Variants in TENM4 observed in about 807,000 individuals in gnomAD.
TENM4 encodes teneurin-4.
In TENM4, 82 loss-of-function variants were observed where a neutral mutation model predicts 243.3. The ratio of observed to expected loss-of-function variants is 0.34; its 90% confidence interval spans 0.28 to 0.40. TENM4 has a LOEUF of 0.40. TENM4 is among the 10% of genes least tolerant of loss of function. The pLI, the probability that TENM4 is intolerant of heterozygous loss-of-function variation, is 1.00. For missense variants in TENM4, 3,138 were observed against 3,673.3 expected (o/e 0.85, Z 3.77); for synonymous variants, 1,412 against 1,456.3 (o/e 0.97, Z 0.69).
chr11:78,955,822 T>C (rs1172876579), intron 6 of TENM4, among the ~76,000 whole-genome samples: 1 of 152,174 alleles, frequency 6.6e-6, no homozygotes, highest in Non-Finnish European at 1.5e-5. Context: ...AAAAAGGGCT[T>C]TGTCAACAGT....
At chr11:78,798,231 T>C (rs1857200725) in intron 15 of TENM4, among the ~76,000 whole-genome samples, 1 of 152,274 alleles carries the variant, frequency 6.6e-6, no homozygotes, top group Non-Finnish European at 1.5e-5. Context: ...AGAGCTTTAA[T>C]TATTTTAACC....
In TENM4 at chr11:78,862,973, C is replaced by A; in HGVS notation, c.1244G>T (p.Gly415Val). 6.8e-7 allele frequency: 1 copy of A among 1,468,448 alleles called. No homozygotes were observed. The highest frequency in any genetic ancestry group is 2.6e-5 in the East Asian group (1 of 38,730). 91.0% of individuals were successfully genotyped at this position (1,468,448 alleles called of 1,614,324 possible). A position where few individuals can be genotyped will look rare whatever the true frequency, so the allele number is the denominator to read the frequency against. ...GLETPDRKGK[G>V]TTEGKPSSFF... ...CGCAGCAACCCTACCTTCTGTGGTT[C>A]CTTTGCCTTTCCTGTCAGGGGTCTC... The change falls in exon 10 of 34, where the codon GGA becomes GTA. Residue 415 changes from glycine (G) to valine (V), a missense_variant. This residue lies in a region of TENM4 where 671 missense variants were observed against 614.1 expected (regional missense o/e 1.09). Transcript: ENST00000278550.
intron 1 of TENM4, among the ~76,000 whole-genome samples, chr11:79,397,346 T>G (rs530835007): frequency 6.6e-6 from 1 of 152,298 alleles, no homozygotes; most frequent in East Asian, 1.9e-4. Context: ...CCCAGGGGAC[T>G]GAGTAACTGG....
chr11:79,206,433 C>G (rs1320562012), intron 3 of TENM4, among the ~76,000 whole-genome samples: 1 of 152,128 alleles, frequency 6.6e-6, no homozygotes, highest in East Asian at 1.9e-4. Flanking sequence ...TGAGGCCCTC[C>G]CTGATTCTCT....
chr11:79,374,920 C>T (rs545169758), intron 1 of TENM4, among the ~76,000 whole-genome samples: 25 of 152,292 alleles, frequency 1.6e-4, no homozygotes, highest in African/African-American at 4.6e-4. Flanking sequence ...GCTGCAACGA[C>T]GGGCAAGCCT....
chr11:78,862,879 A>G (rs2136222982), intron 10 of TENM4, 83 bp downstream of exon 10: 1 of 1,272,872 alleles, frequency 7.9e-7, no homozygotes, highest in Non-Finnish European at 1.0e-6. Flanking sequence ...AGCCAGGCAC[A>G]TGATGCACGC....
chr11:78,729,056 T>C (rs1425364154), intron 22 of TENM4, among the ~76,000 whole-genome samples: 5 of 152,122 alleles, frequency 3.3e-5, no homozygotes, highest in Non-Finnish European at 4.4e-5. Context: ...TCCCACAGGA[T>C]GGCTGTGGGG....
At chr11:79,050,256 T>C (rs3943756) in intron 6 of TENM4, among the ~76,000 whole-genome samples, 94,071 of 152,192 alleles carry the variant, frequency 0.62, 34,114 homozygotes, top group Non-Finnish European at 0.83. Flanking sequence ...GGGAAAAAAG[T>C]GACACGATCT....
chr11:79,154,654 G>A (rs770530114), intron 3 of TENM4, among the ~76,000 whole-genome samples: 3 of 152,088 alleles, frequency 2.0e-5, no homozygotes, highest in Admixed American at 6.6e-5. Flanking sequence ...CCCAAGGCTG[G>A]GAGTCCCCTC....
chr11:78,677,097 C>T (rs921237527), intron 29 of TENM4, among the ~76,000 whole-genome samples: 12 of 152,122 alleles, frequency 7.9e-5, no homozygotes, highest in African/African-American at 2.9e-4. Context: ...CTAAAAGCCA[C>T]ACAATTGTAT....
intron 1 of TENM4, among the ~76,000 whole-genome samples, chr11:79,312,237 CTG>C (rs1285044415): frequency 2.0e-5 from 3 of 152,326 alleles, no homozygotes; most frequent in Middle Eastern, 3.4e-3. Flanking sequence ...CCCCTCAACA[CTG>C]TGAGCCAAGG....
At chr11:79,309,072 C>T (rs1040259252) in intron 1 of TENM4, among the ~76,000 whole-genome samples, 5 of 152,150 alleles carry the variant, frequency 3.3e-5, no homozygotes, top group African/African-American at 9.7e-5. Flanking sequence ...AACTCTAGAA[C>T]TCATGCCCTT....
chr11:79,387,136 G>C (rs746927155), intron 1 of TENM4, among the ~76,000 whole-genome samples: 4 of 152,026 alleles, frequency 2.6e-5, no homozygotes, highest in African/African-American at 9.7e-5. Flanking sequence ...TTGAGTAAAA[G>C]GAGCAGACAA....
Position 78,669,822 on chromosome 11 carries a change from G to A in TENM4, c.6523C>T (p.Arg2175Ter). 6 of 1,613,758 alleles carry A rather than the reference G, an allele frequency of 3.7e-6. No individual in the cohort carries two copies. Among genetic ancestry groups the A allele is most frequent in the Non-Finnish European group, 5.1e-6 (6 of 1,179,834 alleles). The change falls in exon 32 of 34, where the codon CGA becomes TGA. Residue 2175 changes from arginine (R) to a stop codon, truncating the protein, a stop_gained. Transcript: ENST00000278550. LOFTEE classifies it high-confidence loss of function. The surrounding 1 kb of genome is among the most constrained non-coding windows in gnomAD (Gnocchi z 6.4). ...WMTVQYDNMG[R>*]VVKKELKVGP... ...ACCTTCAGCTCCTTCTTCACTACTC[G>A]CCCCATGTTATCATACTGGACGGTC...
intron 1 of TENM4, among the ~76,000 whole-genome samples, chr11:79,349,567 G>T (rs1428173082): frequency 6.6e-6 from 1 of 152,130 alleles, no homozygotes; most frequent in African/African-American, 2.4e-5. Flanking sequence ...CAGAGGTTTT[G>T]CAGTGAATAA....
chr11:78,978,178 G>T (rs1857708108), intron 6 of TENM4, among the ~76,000 whole-genome samples: 1 of 151,338 alleles, frequency 6.6e-6, no homozygotes, highest in Non-Finnish European at 1.5e-5. Flanking sequence ...ACAGGGAGGG[G>T]AAAAACATAC....
chr11:78,924,595 G>C (rs942547505), intron 6 of TENM4: 4 of 152,116 alleles, frequency 2.6e-5, no homozygotes, highest in African/African-American at 9.7e-5. Flanking sequence ...AGTGTCAAAG[G>C]CTGTAATCTT....
At chr11:78,769,353 C>T (rs557426952) in intron 18 of TENM4, among the ~76,000 whole-genome samples, 18 of 152,232 alleles carry the variant, frequency 1.2e-4, no homozygotes, top group Admixed American at 2.6e-4. Context: ...AATAGAGAGC[C>T]CTTTCCTTTC....
chr11:79,079,195 C>T (rs1565194793), intron 4 of TENM4, among the ~76,000 whole-genome samples: 1 of 152,124 alleles, frequency 6.6e-6, no homozygotes. Context: ...CCCTAATCAG[C>T]GGCTGGCAGG....
Sources: allele counts gnomAD v4.1 joint callset (sites outside exome capture counted in the v4.1 genomes callset), GRCh38; gene constraint gnomAD v4.1.1; regional missense constraint gnomAD v4.1.1; non-coding constraint Gnocchi (gnomAD v3.1); transcripts MANE v1.5; gene names NCBI Gene and HGNC (gene_info 2026-07-23, HGNC 2026-07-21).